The following ZNF804B variants were observed in gnomAD, a reference collection of about 807,000 sequenced individuals.
The protein encoded by ZNF804B is zinc finger 804B.
In ZNF804B, 80 loss-of-function variants were observed where a neutral mutation model predicts 101.4. The ratio of observed to expected loss-of-function variants is 0.79; its 90% confidence interval spans 0.66 to 0.95. The LOEUF is 0.95. Ranked by LOEUF, ZNF804B falls within the 40% of genes least tolerant of loss-of-function variation. The pLI, the probability that ZNF804B is intolerant of heterozygous loss-of-function variation, is 0.00. For missense variants in ZNF804B, 1,673 were observed against 1,561.9 expected (o/e 1.07, Z -1.20); for synonymous variants, 622 against 558.8 (o/e 1.11, Z -1.59).
At chr7:88,795,203 G>A (rs929120350) in intron 1 of ZNF804B, among the ~76,000 whole-genome samples, 4 of 152,016 alleles carry the variant, frequency 2.6e-5, no homozygotes. Context: ...AGTTTACAAC[G>A]AAAGAGTTAA....
At chr7:88,855,506 C>G (rs972144199) in intron 1 of ZNF804B, among the ~76,000 whole-genome samples, 1 of 151,818 alleles carries the variant, frequency 6.6e-6, no homozygotes, top group African/African-American at 2.4e-5. Context: ...GGATATTAGC[C>G]CTTTGTCAGA....
chr7:88,778,735 C>T (rs1790182834), intron 1 of ZNF804B, among the ~76,000 whole-genome samples: 1 of 152,132 alleles, frequency 6.6e-6, no homozygotes, highest in Admixed American at 6.6e-5. Flanking sequence ...TCTTACCACT[C>T]CTATATCCTG....
intron 1 of ZNF804B, among the ~76,000 whole-genome samples, chr7:89,127,983 T>A (rs1790498015): frequency 6.6e-6 from 1 of 151,858 alleles, no homozygotes; most frequent in Non-Finnish European, 1.5e-5. Flanking sequence ...AATAATACTG[T>A]GCATAATCTT....
intron 2 of ZNF804B, among the ~76,000 whole-genome samples, chr7:89,224,486 A>G (rs1272261657): frequency 1.3e-5 from 2 of 151,980 alleles, no homozygotes; most frequent in African/African-American, 4.8e-5. Flanking sequence ...TGTTTCTGCA[A>G]TTTGATTTAT....
At chr7:88,870,902 T>C (rs962987230) in intron 1 of ZNF804B, among the ~76,000 whole-genome samples, 15 of 152,226 alleles carry the variant, frequency 9.9e-5, no homozygotes, top group Admixed American at 2.6e-4. Context: ...TTATTGATGA[T>C]GGCAATTAGA....
intron 2 of ZNF804B, among the ~76,000 whole-genome samples, chr7:89,272,559 A>G (rs1789914772): frequency 6.6e-6 from 1 of 152,112 alleles, no homozygotes; most frequent in Non-Finnish European, 1.5e-5. Context: ...AGGGTTCTAA[A>G]CAACAGATAC....
At chr7:88,813,434 A>AG (rs1554336867) in intron 1 of ZNF804B, among the ~76,000 whole-genome samples, 20 of 151,758 alleles carry the variant, frequency 1.3e-4, no homozygotes, top group African/African-American at 4.3e-4. Flanking sequence ...AAAAAAAAAA[A>AG]AAAAGAAAAG....
Position 88,892,117 on chromosome 7 carries a change from TC to T in ZNF804B, c.108+132035del, listed in dbSNP as rs1468130333. 3.3e-5 allele frequency among the ~76,000 whole-genome samples: 5 copies of T among 152,162 alleles called. No homozygotes were observed. In the East Asian group the frequency reaches 9.6e-4, roughly 29 times the overall value. Reference sequence around the variant, plus strand: ...ACTGTTAACATAAATGCCTTTACTGTCCAGAAATATATTTAAATATATTAAT... The same window carrying T: ...ACTGTTAACATAAATGCCTTTACTGTCAGAAATATATTTAAATATATTAAT... On this transcript the variant is annotated intron_variant, in intron 1 of 3. Transcript: ENST00000333190.
intron 1 of ZNF804B, among the ~76,000 whole-genome samples, chr7:88,808,238 C>G (rs943911417): frequency 6.6e-6 from 1 of 151,950 alleles, no homozygotes; most frequent in Non-Finnish European, 1.5e-5. Context: ...AAAAATTAGC[C>G]AGGCATGGTG....
intron 2 of ZNF804B, among the ~76,000 whole-genome samples, chr7:89,284,880 A>G (rs529499673): frequency 3.3e-5 from 5 of 152,180 alleles, no homozygotes; most frequent in Admixed American, 1.3e-4. Context: ...AAGTGGCAGC[A>G]GATGAGTTCT....
intron 1 of ZNF804B, among the ~76,000 whole-genome samples, chr7:89,048,252 G>T (rs1474621804): frequency 6.6e-6 from 1 of 151,264 alleles, no homozygotes; most frequent in African/African-American, 2.4e-5. Context: ...GCTGTAAAAA[G>T]GAATGAATTA....
At chr7:89,071,793 C>CACACACACACACACACACAT (rs1277924400) in intron 1 of ZNF804B, among the ~76,000 whole-genome samples, 3,237 of 151,978 alleles carry the variant, frequency 0.021, 144 homozygotes, top group African/African-American at 0.074. Flanking sequence ...CACACACACA[C>CACACACACACACACACACAT]ACACACACAC....
chr7:88,966,080 C>G (rs1250754784), intron 1 of ZNF804B, among the ~76,000 whole-genome samples: 1 of 151,264 alleles, frequency 6.6e-6, no homozygotes, highest in Non-Finnish European at 1.5e-5. Flanking sequence ...AAGATAGAAG[C>G]TTTCATAATT....
chr7:88,943,845 A>G (rs1434882034), intron 1 of ZNF804B, among the ~76,000 whole-genome samples: 1 of 151,874 alleles, frequency 6.6e-6, no homozygotes, highest in Non-Finnish European at 1.5e-5. Context: ...TTTTCTTTTA[A>G]AAGAAAATTT....
intron 2 of ZNF804B, among the ~76,000 whole-genome samples, chr7:89,258,551 A>G (rs1789668278): frequency 6.6e-6 from 1 of 152,168 alleles, no homozygotes; most frequent in East Asian, 1.9e-4. Context: ...ACAGGTGAAG[A>G]TGGTAGCAAT....
At chr7:89,205,349 C>T (rs1017381463) in intron 1 of ZNF804B, among the ~76,000 whole-genome samples, 25 of 152,170 alleles carry the variant, frequency 1.6e-4, no homozygotes, top group African/African-American at 5.3e-4. Context: ...AAAGTCTTAA[C>T]TCATTCCAGC....
chr7:88,937,049 G>C (rs181525028), intron 1 of ZNF804B, among the ~76,000 whole-genome samples: 1 of 150,730 alleles, frequency 6.6e-6, no homozygotes, highest in Non-Finnish European at 1.5e-5. Context: ...AGCAGATTAG[G>C]CTGTTGGAAA....
intron 1 of ZNF804B, among the ~76,000 whole-genome samples, chr7:89,108,452 A>G (rs1448122950): frequency 6.6e-6 from 1 of 152,106 alleles, no homozygotes; most frequent in Non-Finnish European, 1.5e-5. Flanking sequence ...TACTTTTTAT[A>G]TTATAGAATA....
intron 1 of ZNF804B, among the ~76,000 whole-genome samples, chr7:88,839,530 C>G (rs1791266141): frequency 6.6e-6 from 1 of 151,900 alleles, no homozygotes; most frequent in Non-Finnish European, 1.5e-5. Flanking sequence ...CCTTTGAAAG[C>G]TAACTACTTT....
Sources: allele counts gnomAD v4.1 joint callset (sites outside exome capture counted in the v4.1 genomes callset), GRCh38; gene constraint gnomAD v4.1.1; transcripts MANE v1.5; gene names NCBI Gene and HGNC (gene_info 2026-07-23, HGNC 2026-07-21).